RAPGEF6: variants seen among roughly 807,000 people sequenced by gnomAD.
RAPGEF6 encodes PDZ domain containing guanine nucleotide exchange factor (GEF) 2.
In RAPGEF6, 56 loss-of-function variants were observed where a neutral mutation model predicts 171.4. The ratio of observed to expected loss-of-function variants is 0.33; its 90% CI spans 0.26 to 0.41. The LOEUF (loss-of-function observed/expected upper bound fraction) is 0.41, where lower values mean the gene tolerates loss of function less well. Ranked by LOEUF, RAPGEF6 falls within the 10% of genes least tolerant of loss-of-function variation. The pLI is 1.00. For missense variants in RAPGEF6, 1,674 were observed against 1,921.4 expected (o/e 0.87, Z 2.41); for synonymous variants, 692 against 650.1 (o/e 1.06, Z -0.98).
At chr5:131,603,351 T>C (rs1764365057) in intron 2 of RAPGEF6, 24 bp from the exon 3 acceptor site, 2 of 1,417,114 alleles carry the variant, frequency 1.4e-6, no homozygotes, top group Non-Finnish European at 1.9e-6. Context: ...AAATTGAAGA[T>C]TTTATCTTAC....
intron 1 of RAPGEF6, among the ~76,000 whole-genome samples, chr5:131,614,186 G>A (rs2150026813): frequency 6.7e-6 from 1 of 150,290 alleles, no homozygotes; most frequent in African/African-American, 2.5e-5. Context: ...GGAGGCTGAG[G>A]CAGGAGAATC....
At chr5:131,531,370 C>T (rs1759358358) in intron 6 of RAPGEF6, among the ~76,000 whole-genome samples, 1 of 152,172 alleles carries the variant, frequency 6.6e-6, no homozygotes, top group African/African-American at 2.4e-5. Flanking sequence ...CATCAAATTA[C>T]AGACTATATA....
At chr5:131,454,910 G>C (rs1316316048) in intron 20 of RAPGEF6, among the ~76,000 whole-genome samples, 1 of 152,186 alleles carries the variant, frequency 6.6e-6, no homozygotes, top group Non-Finnish European at 1.5e-5. Context: ...AACATTAACA[G>C]TGGAAGGCAC....
At chr5:131,599,168 A>G (rs996928144) in intron 3 of RAPGEF6, among the ~76,000 whole-genome samples, 2 of 152,238 alleles carry the variant, frequency 1.3e-5, no homozygotes, top group African/African-American at 4.8e-5. Context: ...CTCTACTAAA[A>G]ATACAAAAAG....
intron 16 of RAPGEF6, among the ~76,000 whole-genome samples, chr5:131,476,044 A>G (rs1265841203): frequency 6.6e-6 from 1 of 152,246 alleles, no homozygotes; most frequent in Non-Finnish European, 1.5e-5. Context: ...ACAGAAAGAA[A>G]GCAGAGAAGG....
intron 6 of RAPGEF6, among the ~76,000 whole-genome samples, chr5:131,521,800 A>C (rs1344680683): frequency 6.6e-6 from 1 of 150,982 alleles, no homozygotes; most frequent in Non-Finnish European, 1.5e-5. Context: ...TCCCAAATAA[A>C]AATATCAGAC....
chr5:131,596,189 G>C (rs1763892418), intron 3 of RAPGEF6, among the ~76,000 whole-genome samples: 1 of 146,444 alleles, frequency 6.8e-6, no homozygotes. Flanking sequence ...GATAGAAAAA[G>C]ACATCCATGC....
intron 17 of RAPGEF6, among the ~76,000 whole-genome samples, chr5:131,469,145 A>G (rs1383546468): frequency 1.3e-5 from 2 of 152,230 alleles, no homozygotes; most frequent in Non-Finnish European, 2.9e-5. Flanking sequence ...ATTCAAAGGT[A>G]TATTGCTAAA....
intron 4 of RAPGEF6, among the ~76,000 whole-genome samples, chr5:131,591,059 G>A (rs1763557616): frequency 6.6e-6 from 1 of 152,132 alleles, no homozygotes; most frequent in Non-Finnish European, 1.5e-5. Flanking sequence ...TGGTCAATTA[G>A]CACATTTCAT....
At chr5:131,634,292 G>A (rs1473343365) in intron 1 of RAPGEF6, among the ~76,000 whole-genome samples, 3 of 151,202 alleles carry the variant, frequency 2.0e-5, no homozygotes, top group African/African-American at 4.9e-5. Flanking sequence ...AAGCTAACAG[G>A]TTTTAGTTAT....
chr5:131,544,983 A>G (rs1029682819), intron 6 of RAPGEF6, among the ~76,000 whole-genome samples: 3 of 152,096 alleles, frequency 2.0e-5, no homozygotes, highest in African/African-American at 7.2e-5. Flanking sequence ...CGCCTGGCCC[A>G]AACTGTGCAC....
At chr5:131,470,299 T>C (rs1190918323) in intron 17 of RAPGEF6, among the ~76,000 whole-genome samples, 1 of 152,238 alleles carries the variant, frequency 6.6e-6, no homozygotes, top group African/African-American at 2.4e-5. Flanking sequence ...AAACATGTTC[T>C]CAAGGAGAGA....
intron 21 of RAPGEF6, chr5:131,450,089 G>C: frequency 2.6e-6 from 4 of 1,515,142 alleles, no homozygotes; most frequent in Non-Finnish European, 3.6e-6. Flanking sequence ...TGTTTGAATA[G>C]GAAAGCACAG....
At chr5:131,588,793 C>T (rs1249216906) in intron 4 of RAPGEF6, among the ~76,000 whole-genome samples, 1 of 151,368 alleles carries the variant, frequency 6.6e-6, no homozygotes, top group Non-Finnish European at 1.5e-5. Flanking sequence ...TGGAAAACAG[C>T]CAGGCGAGGT....
At chr5:131,503,992 T>C (rs575028145) in intron 11 of RAPGEF6, among the ~76,000 whole-genome samples, 116 of 152,280 alleles carry the variant, frequency 7.6e-4, no homozygotes, top group Non-Finnish European at 1.4e-3. Context: ...GACTGGTCCT[T>C]AAATTTTCTG....
At position 131,526,339 on chromosome 5, in the gene RAPGEF6, AAAC is replaced by A. The variant is rs776890688; in HGVS notation, c.496-4821_496-4819del. 1.7e-4 allele frequency among the ~76,000 whole-genome samples: 26 copies of A among 152,254 alleles called. No individual in the cohort carries two copies. In the East Asian group the frequency reaches 1.9e-3, roughly 11 times the overall value. On this transcript the variant is annotated intron_variant, in intron 6 of 27. Transcript: ENST00000509018. ...CACATAATTATCTAACCTAACATTC[AAAC>A]AACAAGATGAGGTAATACTATGATT...
intron 15 of RAPGEF6, among the ~76,000 whole-genome samples, chr5:131,488,436 T>C (rs771378887): frequency 4.6e-5 from 7 of 152,222 alleles, no homozygotes; most frequent in Non-Finnish European, 8.8e-5. Flanking sequence ...AGTCCTGCTT[T>C]CTTATTTTTC....
chr5:131,562,021 CT>C lies in RAPGEF6; in HGVS notation c.307del (p.Arg103GlufsTer8). On this transcript the variant is annotated frameshift_variant, in exon 5 of 28. Transcript: ENST00000509018. LOFTEE classifies it high-confidence loss of function. ...CSFGKQFGGK[R>X]GCDCLVLEPS... ...CTCTAATACAAGACAATCACATCCT[CT>C]TTTTCCTCCAAACTGCTTACCAAAA... 6.3e-7 allele frequency: 1 copy of C among 1,590,226 alleles called. No homozygotes were observed. Among genetic ancestry groups the C allele is most frequent in the Non-Finnish European group, 8.5e-7 (1 of 1,170,166 alleles).
chr5:131,568,314 T>C (rs1172100124), intron 4 of RAPGEF6, among the ~76,000 whole-genome samples: 1 of 143,570 alleles, frequency 7.0e-6, no homozygotes, highest in Non-Finnish European at 1.5e-5. Flanking sequence ...CCTTTGTTGA[T>C]TTTTTAAATG....
Sources: gnomAD v4.1 joint callset for allele counts (sites outside exome capture counted in the v4.1 genomes callset) on GRCh38, gnomAD v4.1.1 for gene constraint, MANE v1.5 for transcripts, NCBI Gene and HGNC (gene_info 2026-07-23, HGNC 2026-07-21) for gene names.